The following SV2C variants were observed in gnomAD, a reference collection of about 807,000 sequenced individuals.
The protein encoded by SV2C is solute carrier family 22 member B3.
In SV2C, 49 loss-of-function variants were observed where a neutral mutation model predicts 79.7. The observed-to-expected ratio is 0.61, with a 90% CI of 0.49 to 0.78. The LOEUF is 0.78. Among genes scored for constraint, SV2C ranks in the 30% least tolerant of loss-of-function variants. SV2C has a pLI of 0.00. For missense variants in SV2C, 833 were observed against 912.9 expected (o/e 0.91, Z 1.13); for synonymous variants, 334 against 333.2 (o/e 1.00, Z -0.03).
the SV2C span, among the ~76,000 whole-genome samples, chr5:75,878,004 T>C: frequency 6.6e-6 from 1 of 150,770 alleles, no homozygotes; most frequent in African/African-American, 2.4e-5. Flanking sequence ...ACTGTGGAGA[T>C]GCTGGAACAC....
the SV2C span, among the ~76,000 whole-genome samples, chr5:75,898,754 TTGG>T: frequency 6.6e-6 from 1 of 152,186 alleles, no homozygotes; most frequent in Non-Finnish European, 1.5e-5. Context: ...GATCCTGTTA[TTGG>T]TCTATTCAGA....
At chr5:76,349,550 A>C (rs1182006022) in intron 12 of SV2C, among the ~76,000 whole-genome samples, 1 of 152,198 alleles carries the variant, frequency 6.6e-6, no homozygotes, top group Non-Finnish European at 1.5e-5. Context: ...TTATTACCAA[A>C]GACATGTATA....
At chr5:76,208,943 C>A (rs1483292548) in intron 3 of SV2C, among the ~76,000 whole-genome samples, 1 of 152,160 alleles carries the variant, frequency 6.6e-6, no homozygotes, top group Non-Finnish European at 1.5e-5. Context: ...AAAATGAGCA[C>A]TATTTTGATT....
At chr5:76,023,975 C>A in the SV2C span, among the ~76,000 whole-genome samples, 1 of 151,232 alleles carries the variant, frequency 6.6e-6, no homozygotes, top group East Asian at 1.9e-4. Context: ...TAAAAAATGT[C>A]TTCAAATATT....
the SV2C span, chr5:75,920,869 G>A: frequency 3.9e-6 from 3 of 759,576 alleles, no homozygotes; most frequent in South Asian, 2.7e-5. Context: ...TTATTGTAAT[G>A]GGCTGGGTCA....
At chr5:75,921,371 TG>T in the SV2C span, 1 of 920,896 alleles carries the variant, frequency 1.1e-6, no homozygotes, top group Non-Finnish European at 1.8e-6. Context: ...TGGGGGGTGC[TG>T]GTAGGTGTCC....
At chr5:76,310,005 A>G (rs540698042) in intron 12 of SV2C, among the ~76,000 whole-genome samples, 4 of 152,258 alleles carry the variant, frequency 2.6e-5, no homozygotes, top group African/African-American at 9.6e-5. Context: ...GGATGCCAGA[A>G]AGATACCTGA....
intron 4 of SV2C, among the ~76,000 whole-genome samples, chr5:76,213,184 A>C (rs1227483048): frequency 6.6e-6 from 1 of 152,250 alleles, no homozygotes; most frequent in African/African-American, 2.4e-5. Context: ...TGGCAAAAAA[A>C]ACATATATTT....
At chr5:76,256,754 GC>G (rs1746277383) in intron 4 of SV2C, among the ~76,000 whole-genome samples, 1 of 152,196 alleles carries the variant, frequency 6.6e-6, no homozygotes, top group African/African-American at 2.4e-5. Flanking sequence ...CTTTTAATCT[GC>G]CCCCCGCTTT....
At chr5:76,026,022 A>C in the SV2C span, among the ~76,000 whole-genome samples, 2 of 152,168 alleles carry the variant, frequency 1.3e-5, no homozygotes, top group East Asian at 3.9e-4. Context: ...GGATTCTGAT[A>C]ATCCCTTTAT....
intron 12 of SV2C, among the ~76,000 whole-genome samples, chr5:76,345,017 C>T (rs1432874741): frequency 3.3e-5 from 5 of 152,226 alleles, no homozygotes; most frequent in Non-Finnish European, 5.9e-5. Context: ...GGCTACCATA[C>T]TTGCATATTC....
chr5:76,014,416 A>G, the SV2C span, among the ~76,000 whole-genome samples: 43 of 152,248 alleles, frequency 2.8e-4, no homozygotes, highest in African/African-American at 1.0e-3. Flanking sequence ...CCCATTAAGA[A>G]CTACTGGCAT....
the SV2C span, among the ~76,000 whole-genome samples, chr5:76,058,380 G>A: frequency 4.9e-4 from 75 of 152,166 alleles, no homozygotes; most frequent in African/African-American, 1.7e-3. Context: ...GCAACACTTC[G>A]GTGTTCTACT....
chr5:76,192,665 A>G (rs1744140232), intron 2 of SV2C, among the ~76,000 whole-genome samples: 2 of 152,246 alleles, frequency 1.3e-5, no homozygotes, highest in East Asian at 1.9e-4. Context: ...GGCTTTAATT[A>G]GATCACACAA....
At chr5:75,935,340 T>C in the SV2C span, among the ~76,000 whole-genome samples, 2 of 152,146 alleles carry the variant, frequency 1.3e-5, no homozygotes, top group Non-Finnish European at 2.9e-5. Context: ...TGTGGTTTCT[T>C]ATATATTGAG....
At chr5:75,856,814 T>A in the SV2C span, among the ~76,000 whole-genome samples, 12 of 152,300 alleles carry the variant, frequency 7.9e-5, no homozygotes, top group South Asian at 2.5e-3. Flanking sequence ...ATCCCATTTA[T>A]CAATTTTTGC....
At chr5:76,012,646 T>C in the SV2C span, among the ~76,000 whole-genome samples, 66,945 of 152,056 alleles carry the variant, frequency 0.44, 17,150 homozygotes, top group Middle Eastern at 0.6. Flanking sequence ...TTTGTTGCCA[T>C]CACTTTTGGT....
intron 1 of SV2C, among the ~76,000 whole-genome samples, chr5:76,115,951 G>T (rs1748249877): frequency 6.6e-6 from 1 of 152,170 alleles, no homozygotes; most frequent in Admixed American, 6.5e-5. Context: ...TGTCAGGAAA[G>T]CTCTGAGCCT....
At chr5:76,340,505 G>A (rs1045746854) in intron 12 of SV2C, among the ~76,000 whole-genome samples, 20 of 152,168 alleles carry the variant, frequency 1.3e-4, no homozygotes, top group African/African-American at 4.6e-4. Flanking sequence ...TGGGCAGCAG[G>A]ATATTCCAGG....
Sources: gnomAD v4.1 joint callset for allele counts (sites outside exome capture counted in the v4.1 genomes callset) on GRCh38, gnomAD v4.1.1 for gene constraint, MANE v1.5 for transcripts, NCBI Gene and HGNC (gene_info 2026-07-23, HGNC 2026-07-21) for gene names.